KDM4C: variants seen among roughly 807,000 people sequenced by gnomAD.
The protein encoded by KDM4C is lysine demethylase 4C.
In KDM4C, 81 loss-of-function variants were observed where a neutral mutation model predicts 129.3. That is an observed-to-expected ratio of 0.63 (90% CI 0.52 to 0.75). KDM4C has a LOEUF of 0.75. KDM4C is among the 30% of genes least tolerant of loss of function. The probability of loss-of-function intolerance (pLI) is 0.00; values close to 1 mark genes in which losing one functional copy is unlikely to be tolerated. For missense variants in KDM4C, 1,457 were observed against 1,304.0 expected (o/e 1.12, Z -1.81); for synonymous variants, 573 against 456.1 (o/e 1.26, Z -3.26).
rs367900555 is a variant in KDM4C at position 7,093,723 on chromosome 9, A to G, written c.2425-9962A>G. ...GTTAAAGTACAGTTATTAAAATACTATAAACATCAGTTTGTACTATAGCAA... is the reference window on the plus strand; with the variant it reads ...GTTAAAGTACAGTTATTAAAATACTGTAAACATCAGTTTGTACTATAGCAA... On this transcript the variant is annotated intron_variant, in intron 17 of 21. Coordinates refer to ENST00000381309, the MANE Select transcript of KDM4C (RefSeq NM_015061.6). 3.3e-5 allele frequency among the ~76,000 whole-genome samples: 5 copies of G among 152,372 alleles called. No individual in the cohort carries two copies. The East Asian group carries it at 5.8e-4, about 18-fold the overall frequency.
chr9:6,963,967 AT>A (rs1830462428), intron 8 of KDM4C, among the ~76,000 whole-genome samples: 2 of 152,232 alleles, frequency 1.3e-5, no homozygotes, highest in Non-Finnish European at 1.5e-5. Flanking sequence ...AAGCAGCTTC[AT>A]TTGCAAGCTG....
intron 5 of KDM4C, among the ~76,000 whole-genome samples, chr9:6,866,098 TG>T (rs1338530251): frequency 6.6e-6 from 1 of 151,944 alleles, no homozygotes; most frequent in Non-Finnish European, 1.5e-5. Flanking sequence ...TTGAACAGGC[TG>T]GTCTCGGACT....
At chr9:7,076,101 A>G (rs1833878940) in intron 17 of KDM4C, among the ~76,000 whole-genome samples, 1 of 152,146 alleles carries the variant, frequency 6.6e-6, no homozygotes, top group Admixed American at 6.6e-5. Flanking sequence ...ACACTACTGT[A>G]TATATTTGGT....
chr9:7,169,248 C>T (rs975216805), intron 20 of KDM4C, among the ~76,000 whole-genome samples: 3 of 152,112 alleles, frequency 2.0e-5, no homozygotes, highest in Admixed American at 1.3e-4. Context: ...TGTTGCTTCG[C>T]CAGATAAAGT....
intron 17 of KDM4C, among the ~76,000 whole-genome samples, chr9:7,068,506 G>C (rs938651350): frequency 1.3e-5 from 2 of 152,002 alleles, no homozygotes; most frequent in African/African-American, 4.8e-5. Context: ...AGACAACCTG[G>C]GTTCACCTGT....
At chr9:7,161,049 C>T (rs1004764768) in intron 19 of KDM4C, among the ~76,000 whole-genome samples, 1 of 152,202 alleles carries the variant, frequency 6.6e-6, no homozygotes, top group African/African-American at 2.4e-5. Flanking sequence ...AGACGCCTCT[C>T]CCCCAACCAG....
chr9:6,872,476 G>C (rs1221064236), intron 5 of KDM4C, among the ~76,000 whole-genome samples: 1 of 152,186 alleles, frequency 6.6e-6, no homozygotes, highest in Non-Finnish European at 1.5e-5. Context: ...GGGTGTTAAA[G>C]TCTCCCACTA....
intron 17 of KDM4C, among the ~76,000 whole-genome samples, chr9:7,086,115 G>GTA (rs1437867240): frequency 2.0e-5 from 3 of 152,170 alleles, no homozygotes; most frequent in Non-Finnish European, 1.5e-5. Flanking sequence ...CCGAGATCAT[G>GTA]CCACTGCACT....
chr9:6,940,722 A>G (rs1359286262), intron 8 of KDM4C, among the ~76,000 whole-genome samples: 2 of 152,224 alleles, frequency 1.3e-5, no homozygotes, highest in African/African-American at 4.8e-5. Context: ...CATTTTTTAC[A>G]GCACGTAAGT....
intron 4 of KDM4C, among the ~76,000 whole-genome samples, chr9:6,817,442 C>T (rs1005318695): frequency 2.8e-4 from 43 of 152,114 alleles, no homozygotes; most frequent in Non-Finnish European, 5.0e-4. Context: ...TGGGCTCAAG[C>T]GATCCTCCCT....
At chr9:6,774,902 G>C (rs1173033061) in intron 1 of KDM4C, among the ~76,000 whole-genome samples, 1 of 152,084 alleles carries the variant, frequency 6.6e-6, no homozygotes, top group East Asian at 1.9e-4. Context: ...TTAAAAAAAT[G>C]GATTTGTCTT....
intron 17 of KDM4C, among the ~76,000 whole-genome samples, chr9:7,071,511 A>T (rs1587442890): frequency 1.3e-5 from 2 of 152,196 alleles, no homozygotes; most frequent in South Asian, 4.1e-4. Flanking sequence ...GTTTTTCAGT[A>T]AAAGTTCCAA....
At chr9:7,081,987 T>A (rs1262083783) in intron 17 of KDM4C, among the ~76,000 whole-genome samples, 1 of 152,166 alleles carries the variant, frequency 6.6e-6, no homozygotes, top group African/African-American at 2.4e-5. Flanking sequence ...TGGTGGTCGA[T>A]ATCTAGATAT....
rs58881523 is a variant in KDM4C, at chr9:6,856,171, CAA to C, written c.629+6483_629+6484del. The stretch of plus-strand genomic sequence containing the variant: ...CTGAAGGAACTCTTTATTTGAAGAT[CAA>C]AAAAAAAAAAATCTAAGAACATTAG... On this transcript the variant is annotated intron_variant, in intron 5 of 21. Transcript: ENST00000381309. Among the ~76,000 whole-genome samples the C allele has an allele frequency of 2.7e-3, 380 of 142,984 alleles. 2 individuals are homozygous for C. Among genetic ancestry groups the C allele is most frequent in the African/African-American group, 8.2e-3 (323 of 39,376 alleles). The allele number at this position is 142,984 out of a possible 152,430, so 93.8% of individuals were successfully genotyped here.
At chr9:6,861,580 G>T (rs1840928988) in intron 5 of KDM4C, among the ~76,000 whole-genome samples, 1 of 152,062 alleles carries the variant, frequency 6.6e-6, no homozygotes, top group Admixed American at 6.6e-5. Context: ...ATTTATATTT[G>T]TTGCATAAGA....
chr9:6,740,643 G>T (rs10975814), intron 1 of KDM4C, among the ~76,000 whole-genome samples: 1 of 151,580 alleles, frequency 6.6e-6, no homozygotes, highest in East Asian at 2.0e-4. Flanking sequence ...CTCAGCCTCC[G>T]GAGTAGCTGG....
At chr9:7,011,905 C>T in intron 13 of KDM4C, 26 bp downstream of exon 13, 1 of 1,586,804 alleles carries the variant, frequency 6.3e-7, no homozygotes, top group East Asian at 2.2e-5. Flanking sequence ...ATCATAGTTC[C>T]CTTCACTGCT....
intron 2 of KDM4C, among the ~76,000 whole-genome samples, chr9:6,804,541 T>C (rs1457006433): frequency 1.2e-4 from 19 of 152,012 alleles, no homozygotes; most frequent in Admixed American, 1.2e-3. Flanking sequence ...GGGTGGATCA[T>C]GAGGTCAGGA....
chr9:6,995,336 C>T (rs948907751), intron 12 of KDM4C, among the ~76,000 whole-genome samples: 2 of 151,970 alleles, frequency 1.3e-5, no homozygotes, highest in African/African-American at 4.8e-5. Context: ...TGGACACACA[C>T]AGACACACAG....
Sources: allele counts gnomAD v4.1 joint callset (sites outside exome capture counted in the v4.1 genomes callset), GRCh38; gene constraint gnomAD v4.1.1; transcripts MANE v1.5; gene names NCBI Gene and HGNC (gene_info 2026-07-23, HGNC 2026-07-21).